The following RNF216 variants were observed in gnomAD, a reference collection of about 807,000 sequenced individuals.
RNF216 encodes the protein ring finger protein 216.
In RNF216, 72 loss-of-function variants were observed where a neutral mutation model predicts 110.8. The observed-to-expected ratio is 0.65, with a 90% CI of 0.54 to 0.79. The LOEUF is 0.79. Ranked by LOEUF, RNF216 falls within the 30% of genes least tolerant of loss-of-function variation. RNF216 has a pLI of 0.00. For synonymous variants in RNF216, 495 were observed against 407.5 expected (o/e 1.21, Z -2.59); for missense variants, 1,342 against 1,141.2 (o/e 1.18, Z -2.54).
At chr7:5,661,309 T>G (rs550102451) in intron 13 of RNF216, among the ~76,000 whole-genome samples, 1 of 151,968 alleles carries the variant, frequency 6.6e-6, no homozygotes, top group East Asian at 1.9e-4. Flanking sequence ...GCATAGCTCA[T>G]GGCGGTCTCC....
chr7:5,729,620 A>T, intron 6 of RNF216, 24 bp from the exon 7 acceptor site: 1 of 1,601,312 alleles, frequency 6.2e-7, no homozygotes, highest in Non-Finnish European at 8.6e-7. Flanking sequence ...GAAGCATAAA[A>T]TCAGAGGCCA....
intron 15 of RNF216, among the ~76,000 whole-genome samples, chr7:5,636,274 T>G (rs560606889): frequency 1.3e-5 from 2 of 152,370 alleles, no homozygotes; most frequent in South Asian, 2.1e-4. Flanking sequence ...AACTGTGGTA[T>G]GCTGTGACTG....
At chr7:5,722,370 T>C (rs1793479752) in intron 8 of RNF216, among the ~76,000 whole-genome samples, 1 of 3,420 alleles carries the variant, frequency 2.9e-4, no homozygotes, top group African/African-American at 3.3e-4. Context: ...CATTCTCATG[T>C]TTTTTTTTTT....
intron 2 of RNF216, chr7:5,760,563 C>T (rs971355463): frequency 6.6e-5 from 19 of 288,422 alleles, no homozygotes; most frequent in Admixed American, 3.1e-4. Context: ...CAAAAAAATA[C>T]ATGTTCCAAA....
intron 2 of RNF216, among the ~76,000 whole-genome samples, chr7:5,754,164 G>A (rs35889050): frequency 0.047 from 6,748 of 143,516 alleles, 224 homozygotes; most frequent in Non-Finnish European, 0.073. Context: ...GTGTGTGTGC[G>A]CATTTGTCTG....
chr7:5,657,025 T>G (rs1200144199), intron 13 of RNF216, among the ~76,000 whole-genome samples: 1 of 152,234 alleles, frequency 6.6e-6, no homozygotes, highest in Non-Finnish European at 1.5e-5. Flanking sequence ...TTGCCTTCCT[T>G]GCAAAGCCAC....
At chr7:5,664,294 C>T (rs1190764850) in intron 13 of RNF216, among the ~76,000 whole-genome samples, 1 of 152,170 alleles carries the variant, frequency 6.6e-6, no homozygotes, top group African/African-American at 2.4e-5. Context: ...ACGACCCTTT[C>T]AGGTTAATTC....
intron 13 of RNF216, among the ~76,000 whole-genome samples, chr7:5,672,672 C>T (rs1789994706): frequency 6.6e-6 from 1 of 152,158 alleles, no homozygotes. Context: ...CTTATGTGAT[C>T]ACATAAGCAC....
chr7:5,646,591 G>A (rs958212028), intron 14 of RNF216, among the ~76,000 whole-genome samples: 1 of 151,972 alleles, frequency 6.6e-6, no homozygotes, highest in African/African-American at 2.4e-5. Context: ...CACTCAGGAG[G>A]CTGAGGCAGG....
chr7:5,748,652 AC>A (rs1562458524), intron 3 of RNF216, among the ~76,000 whole-genome samples: 3 of 148,330 alleles, frequency 2.0e-5, no homozygotes, highest in African/African-American at 5.1e-5. Flanking sequence ...ACACACACAC[AC>A]ACACATAATA....
At chr7:5,659,695 G>A (rs990769165) in intron 13 of RNF216, among the ~76,000 whole-genome samples, 1 of 152,302 alleles carries the variant, frequency 6.6e-6, no homozygotes, top group East Asian at 1.9e-4. Flanking sequence ...AACTTCTAGG[G>A]GAACAGGCTC....
At chr7:5,632,702 G>A (rs192509960) in intron 15 of RNF216, among the ~76,000 whole-genome samples, 8 of 151,990 alleles carry the variant, frequency 5.3e-5, no homozygotes, top group South Asian at 2.1e-4. Flanking sequence ...GCTTGAACCC[G>A]GGAGGCACAG....
intron 13 of RNF216, among the ~76,000 whole-genome samples, chr7:5,656,343 C>T (rs1004945595): frequency 2.0e-5 from 3 of 152,182 alleles, no homozygotes; most frequent in African/African-American, 7.2e-5. Flanking sequence ...AACATGATAA[C>T]CACATTCTTC....
chr7:5,716,042 C>G (rs1409098546), intron 10 of RNF216, among the ~76,000 whole-genome samples: 2 of 152,024 alleles, frequency 1.3e-5, no homozygotes, highest in Non-Finnish European at 2.9e-5. Context: ...CATCCAGCCC[C>G]ATTCTTTTAT....
At chr7:5,773,246 ATT>A (rs762663731) in intron 1 of RNF216, among the ~76,000 whole-genome samples, 4 of 144,524 alleles carry the variant, frequency 2.8e-5, no homozygotes, top group Admixed American at 1.4e-4. Context: ...CCCAAATAAG[ATT>A]TTTTTTTTTT....
chr7:5,731,118 G>A (rs1178038310), intron 5 of RNF216, among the ~76,000 whole-genome samples: 2 of 152,140 alleles, frequency 1.3e-5, no homozygotes, highest in Non-Finnish European at 2.9e-5. Context: ...ACTATTATTG[G>A]TTAAACTACA....
At chr7:5,764,145 A>G (rs1337555939) in intron 1 of RNF216, among the ~76,000 whole-genome samples, 5 of 151,876 alleles carry the variant, frequency 3.3e-5, no homozygotes, top group African/African-American at 1.2e-4. Context: ...GTAAGCTGAG[A>G]TCACGCCATT....
In RNF216 at chr7:5,779,083, A is replaced by G. The variant is rs547904195; in HGVS notation, c.-70+2458T>C. On this transcript the variant is annotated intron_variant, in intron 1 of 16. Coordinates refer to ENST00000389902, the MANE Select transcript of RNF216 (RefSeq NM_207111.4). Reference sequence around the variant, plus strand: ...CTTTAACAATAATGCAAATATAATGATATCAGGTATGAGAATGAATTATGT... The same window carrying G: ...CTTTAACAATAATGCAAATATAATGGTATCAGGTATGAGAATGAATTATGT... Among the ~76,000 whole-genome samples, 8 of 152,358 alleles carry G rather than the reference A, an allele frequency of 5.3e-5. No individual in the cohort carries two copies. The South Asian group carries it at 1.2e-3, about 24-fold the overall frequency.
chr7:5,638,633 A>T (rs1243728958), intron 15 of RNF216, among the ~76,000 whole-genome samples: 160 of 139,308 alleles, frequency 1.1e-3, no homozygotes, highest in African/African-American at 3.6e-3. Flanking sequence ...AAAAGCAAGC[A>T]TTTTTTTTTT....
Sources: gnomAD v4.1 joint callset for allele counts (sites outside exome capture counted in the v4.1 genomes callset) on GRCh38, gnomAD v4.1.1 for gene constraint, MANE v1.5 for transcripts, NCBI Gene and HGNC (gene_info 2026-07-23, HGNC 2026-07-21) for gene names.